Variants in ZFHX4 observed in about 807,000 individuals in gnomAD.
ZFHX4 encodes zinc finger homeobox 4.
ZFHX4 carries 56 observed loss-of-function variants against 267.6 expected under a neutral mutation model. The observed-to-expected ratio is 0.21, with a 90% confidence interval of 0.17 to 0.26. The LOEUF is 0.26. Ranked by LOEUF, ZFHX4 falls within the 10% of genes least tolerant of loss-of-function variation. The probability of loss-of-function intolerance (pLI) is 1.00; values close to 1 mark genes in which losing one functional copy is unlikely to be tolerated. For missense variants in ZFHX4, 4,332 were observed against 4,420.0 expected (o/e 0.98, Z 0.56); for synonymous variants, 1,778 against 1,665.6 (o/e 1.07, Z -1.64).
chr8:76,715,621 A>G (rs1373366006), intron 3 of ZFHX4, among the ~76,000 whole-genome samples: 1 of 152,136 alleles, frequency 6.6e-6, no homozygotes, highest in African/African-American at 2.4e-5. Context: ...AATAAGGTCA[A>G]TGAAAGTACT....
intron 3 of ZFHX4, among the ~76,000 whole-genome samples, chr8:76,777,540 A>G (rs1478163622): frequency 3.9e-5 from 6 of 152,206 alleles, no homozygotes; most frequent in Non-Finnish European, 8.8e-5. Flanking sequence ...ATGTAAGTTT[A>G]TTCCATGCAT....
At chr8:76,792,262 G>C (rs181077788) in intron 4 of ZFHX4, among the ~76,000 whole-genome samples, 1 of 152,216 alleles carries the variant, frequency 6.6e-6, no homozygotes, top group Admixed American at 6.6e-5. Context: ...TGTTTAGTTG[G>C]GGGAAGGAGG....
Position 76,763,302 on chromosome 8 carries a change from G to A in ZFHX4, c.3094-14906G>A, listed in dbSNP as rs558917245. 3.3e-5 allele frequency among the ~76,000 whole-genome samples: 5 copies of A among 152,294 alleles called. No individual in the cohort carries two copies. The South Asian group carries it at 8.3e-4, about 25-fold the overall frequency. ...AGGACCTTAGATGAAAAAGCAGGAT[G>A]TGTTTAGAATCATTAGCAGTGGAAG... On this transcript the variant is annotated intron_variant, in intron 3 of 10. Transcript: ENST00000651372.
rs2131990857 is a variant in ZFHX4 at position 76,866,419 on chromosome 8, C to CT, written c.*1855dup. ...GATGATGATCACAGCAATCTTTATT[C>CT]TATACATTTTATGTGAACTTTTTTA... On this transcript the variant is annotated 3_prime_UTR_variant, in exon 11 of 11. Transcript: ENST00000651372. 6.7e-6 allele frequency: 1 copy of CT among 148,896 alleles called. No homozygotes were observed. Among genetic ancestry groups the CT allele is most frequent in the Non-Finnish European group, 1.5e-5 (1 of 67,258 alleles). The allele number at this position is 148,896 out of a possible 1,614,324, so 9.2% of individuals were successfully genotyped here.
At chr8:76,777,872 GTTTTTGT>G (rs1001137626) in intron 3 of ZFHX4, among the ~76,000 whole-genome samples, 3 of 141,372 alleles carry the variant, frequency 2.1e-5, no homozygotes, top group Non-Finnish European at 4.6e-5. Context: ...TTTTTTGTTT[GTTTTTGT>G]TTTTTGTTTT....
intron 5 of ZFHX4, among the ~76,000 whole-genome samples, chr8:76,835,223 A>G (rs1468827024): frequency 1.0e-5 from 1 of 99,042 alleles, no homozygotes; most frequent in Non-Finnish European, 1.9e-5. Flanking sequence ...ATATATGTAT[A>G]TATATATATA....
At position 76,723,116 on chromosome 8, in the gene ZFHX4, C is replaced by G. The variant is rs189088284; in HGVS notation, c.3093+15068C>G. ...CACAGAAAAGGAACTGTGTATTACA[C>G]TTTTAAATACCAGTTTTCAAGTCAG... On this transcript the variant is annotated intron_variant, in intron 3 of 10. Coordinates refer to ENST00000651372, the MANE Select transcript of ZFHX4 (RefSeq NM_024721.5). 2.4e-3 allele frequency among the ~76,000 whole-genome samples: 370 copies of G among 152,162 alleles called. 1 individual carries two copies. Among genetic ancestry groups the G allele is most frequent in the African/African-American group, 8.2e-3 (341 of 41,564 alleles).
At chr8:76,728,221 G>A (rs747944233) in intron 3 of ZFHX4, among the ~76,000 whole-genome samples, 23 of 152,080 alleles carry the variant, frequency 1.5e-4, no homozygotes, top group Non-Finnish European at 3.2e-4. Context: ...GAAACTTCAC[G>A]AAAGTTCTGG....
intron 5 of ZFHX4, among the ~76,000 whole-genome samples, chr8:76,835,243 A>ATATATATATATACG (rs1812054290): frequency 9.7e-6 from 1 of 102,742 alleles, no homozygotes; most frequent in Non-Finnish European, 1.9e-5. Flanking sequence ...ATATATATGT[A>ATATATATATATACG]TATATATATA....
At chr8:76,835,243 A>ATATATATGTATATATATATATATG (rs1554572191) in intron 5 of ZFHX4, among the ~76,000 whole-genome samples, 2,275 of 102,442 alleles carry the variant, frequency 0.022, 72 homozygotes, top group African/African-American at 0.039. Flanking sequence ...ATATATATGT[A>ATATATATGTATATATATATATATG]TATATATATA....
chr8:76,815,879 A>G (rs796103237), intron 4 of ZFHX4, among the ~76,000 whole-genome samples: 10 of 152,308 alleles, frequency 6.6e-5, no homozygotes, highest in African/African-American at 2.4e-4. Context: ...GGATTTCAAC[A>G]TATGAATTTA....
intron 1 of ZFHX4, 94 bp from the exon 2 acceptor site, chr8:76,703,949 C>T (rs1585862234): frequency 1.1e-6 from 1 of 901,720 alleles, no homozygotes; most frequent in East Asian, 2.7e-5. Flanking sequence ...TTTAGATAGT[C>T]ACGTTTACAG....
At chr8:76,861,963 G>A (rs992267843) in intron 10 of ZFHX4, among the ~76,000 whole-genome samples, 7 of 151,842 alleles carry the variant, frequency 4.6e-5, no homozygotes, top group Non-Finnish European at 8.8e-5. Flanking sequence ...ATGATCATTT[G>A]GTAGTGAGCC....
Position 76,863,703 on chromosome 8 carries a change from T to TGCAAAAGCA in ZFHX4, c.9999_10007dup (p.Lys3335_Gln3337dup). 6.3e-7 allele frequency: 1 copy of TGCAAAAGCA among 1,577,442 alleles called. No individual in the cohort carries two copies. Among genetic ancestry groups the TGCAAAAGCA allele is most frequent in the South Asian group, 1.1e-5 (1 of 87,720 alleles). The stretch of plus-strand genomic sequence containing the variant: ...TATCAGCAGAACCTGCAGGAGTCCC[T>TGCAAAAGCA]GCAAAAGCAGCAAAAGCAACAGCAA... On this transcript the variant is annotated inframe_insertion, in exon 11 of 11. Coordinates refer to ENST00000651372, the MANE Select transcript of ZFHX4 (RefSeq NM_024721.5).
intron 4 of ZFHX4, among the ~76,000 whole-genome samples, chr8:76,804,816 A>G (rs1249503156): frequency 6.6e-6 from 1 of 152,128 alleles, no homozygotes; most frequent in Non-Finnish European, 1.5e-5. Context: ...CCACAGCTGC[A>G]TTTGTGGAGA....
In ZFHX4 at chr8:76,758,586, C is replaced by T. The variant is rs142860708; in HGVS notation, c.3094-19622C>T. Among the ~76,000 whole-genome samples the T allele has an allele frequency of 5.4e-3, 818 of 152,250 alleles. 5 individuals carry two copies. The highest frequency in any genetic ancestry group is 0.014 in the African/African-American group (597 of 41,550). ...CTCAGCTCACTGCAGCCTCGACCTC[C>T]CAGGCTTTAGCAATCCTCCAGCCTC... On this transcript the variant is annotated intron_variant, in intron 3 of 10. Transcript: ENST00000651372.
chr8:76,691,891 G>A (rs952500751), intron 1 of ZFHX4, among the ~76,000 whole-genome samples: 2 of 152,076 alleles, frequency 1.3e-5, no homozygotes, highest in African/African-American at 4.8e-5. Flanking sequence ...GGTAAAGCAA[G>A]TCTACACAGA....
chr8:76,843,347 A>G (rs1812285659), intron 6 of ZFHX4, among the ~76,000 whole-genome samples: 1 of 152,222 alleles, frequency 6.6e-6, no homozygotes, highest in Non-Finnish European at 1.5e-5. Flanking sequence ...AAGAAAGAGG[A>G]AATATCATTG....
chr8:76,790,529 A>G (rs1810806363), intron 4 of ZFHX4, among the ~76,000 whole-genome samples: 1 of 152,184 alleles, frequency 6.6e-6, no homozygotes, highest in African/African-American at 2.4e-5. Context: ...CACTGGAAAC[A>G]TTAAATTTTT....
Sources: gnomAD v4.1 joint callset for allele counts (sites outside exome capture counted in the v4.1 genomes callset) on GRCh38, gnomAD v4.1.1 for gene constraint, MANE v1.5 for transcripts, NCBI Gene and HGNC (gene_info 2026-07-23, HGNC 2026-07-21) for gene names.